SPATA33: variants seen among roughly 807,000 people sequenced by gnomAD.
SPATA33 encodes the protein spermatogenesis associated 33, also known as spermatogenesis-associated protein 33.
In SPATA33, 10 loss-of-function variants were observed where a neutral mutation model predicts 8.9. The ratio of observed to expected loss-of-function variants is 1.12; its 90% confidence interval spans 0.69 to 1.90. The LOEUF (loss-of-function observed/expected upper bound fraction) is 1.90, where lower values mean the gene tolerates loss of function less well. Among genes scored for constraint, SPATA33 ranks in the 40% most tolerant of loss-of-function variants. The pLI is 0.00. For synonymous variants in SPATA33, 96 were observed against 72.8 expected (o/e 1.32, Z -1.63); for missense variants, 241 against 178.3 (o/e 1.35, Z -2.00).
At chr16:89,657,982 C>T (rs1056220910) in intron 1 of SPATA33, 34 bp downstream of exon 1, 112 of 1,504,088 alleles carry the variant, frequency 7.4e-5, no homozygotes, top group Middle Eastern at 2.2e-4. Context: ...CTCCCCGCGT[C>T]TCCGCCCCTG....
intron 2 of SPATA33, chr16:89,660,440 G>C (rs2059951803): frequency 4.1e-6 from 5 of 1,230,772 alleles, no homozygotes. Flanking sequence ...TGTCACACCA[G>C]AGGGTGGGGG....
intron 2 of SPATA33, among the ~76,000 whole-genome samples, chr16:89,664,807 C>G (rs1885908355): frequency 6.6e-6 from 1 of 152,214 alleles, no homozygotes. Context: ...TCCTCCAGCT[C>G]CTCATGAGAA....
chr16:89,665,830 C>A (rs258317), intron 2 of SPATA33, among the ~76,000 whole-genome samples: 1 of 151,824 alleles, frequency 6.6e-6, no homozygotes, highest in Non-Finnish European at 1.5e-5. Flanking sequence ...CCTGTAATCC[C>A]GGCACTTTGG....
chr16:89,658,884 G>A (rs560425646), intron 2 of SPATA33: 35 of 171,356 alleles, frequency 2.0e-4, no homozygotes, highest in Non-Finnish European at 4.0e-4. Flanking sequence ...TTTTATAACA[G>A]CCTAGTGTGG....
At chr16:89,663,061 G>A (rs543326913) in intron 2 of SPATA33, among the ~76,000 whole-genome samples, 1 of 151,968 alleles carries the variant, frequency 6.6e-6, no homozygotes, top group East Asian at 1.9e-4. Context: ...CAAAGTGCCA[G>A]TGTTACAGGT....
chr16:89,663,039 G>T (rs545366512), intron 2 of SPATA33, among the ~76,000 whole-genome samples: 1 of 150,666 alleles, frequency 6.6e-6, no homozygotes, highest in Non-Finnish European at 1.5e-5. Flanking sequence ...TGAACCACCC[G>T]CCTCAGCCTC....
chr16:89,665,565 C>T (rs939289266), intron 2 of SPATA33, among the ~76,000 whole-genome samples: 9 of 151,690 alleles, frequency 5.9e-5, no homozygotes, highest in Admixed American at 2.0e-4. Flanking sequence ...CCGCCCGCAT[C>T]GGCCTCCCAA....
In SPATA33 at chr16:89,665,429, C is replaced by T. The variant is rs112899556; in HGVS notation, c.212-3857C>T. On this transcript the variant is annotated intron_variant, in intron 2 of 2. Transcript: ENST00000579310. The stretch of plus-strand genomic sequence containing the variant: ...ATGCCATTCTCCTGTCTCAGCCTCC[C>T]GCATAGCTGGGACTACAGGTGCCTG... 8.4e-3 allele frequency among the ~76,000 whole-genome samples: 1,274 copies of T among 152,116 alleles called. 10 individuals carry two copies. The highest frequency in any genetic ancestry group is 0.029 in the African/African-American group (1,218 of 41,498).
chr16:89,660,611 G>A lies in SPATA33; in HGVS notation c.211+2190G>A, dbSNP rs901352836. On this transcript the variant is annotated intron_variant, in intron 2 of 2. Coordinates refer to ENST00000579310, the MANE Select transcript of SPATA33 (RefSeq NM_001271907.2). ...ACACCGTGAAGGAGTCCCAAAGGTG[G>A]GACACTGAGTGAGACAAGCCAGAGG... 18 of 1,172,200 alleles carry A rather than the reference G, an allele frequency of 1.5e-5. No individual in the cohort carries two copies. The South Asian group carries it at 4.3e-4, about 28-fold the overall frequency. The allele number at this position is 1,172,200 out of a possible 1,614,324, so 72.6% of individuals were successfully genotyped here.
At chr16:89,666,792 CAG>C (rs1360384779) in intron 2 of SPATA33, among the ~76,000 whole-genome samples, 2 of 152,182 alleles carry the variant, frequency 1.3e-5, no homozygotes, top group Non-Finnish European at 2.9e-5. Flanking sequence ...GTCCACTGGA[CAG>C]GGGGCCCTTC....
intron 2 of SPATA33, chr16:89,659,218 G>C (rs945667683): frequency 1.2e-4 from 18 of 152,350 alleles, no homozygotes; most frequent in African/African-American, 4.3e-4. Context: ...GTTCGCAGGG[G>C]AGGTGGCCCG....
chr16:89,664,138 AC>A (rs1490944594), intron 2 of SPATA33, among the ~76,000 whole-genome samples: 1 of 152,220 alleles, frequency 6.6e-6, no homozygotes, highest in East Asian at 1.9e-4. Flanking sequence ...GCAAGGAAAG[AC>A]AGTACACATA....
At position 89,658,404 on chromosome 16, in the gene SPATA33, C is replaced by A. The variant is rs757264112; in HGVS notation, c.194C>A (p.Pro65Gln). The A allele has an allele frequency of 6.2e-7, 1 of 1,609,822 alleles. No individual in the cohort carries two copies. Among genetic ancestry groups the A allele is most frequent in the African/African-American group, 1.3e-5 (1 of 74,866 alleles). The change falls in exon 2 of 3, where the codon CCG becomes CAG. Residue 65 changes from proline (P) to glutamine (Q), a missense_variant. Coordinates refer to ENST00000579310, the MANE Select transcript of SPATA33 (RefSeq NM_001271907.2). ...GCCGGGACAGCCAAGCACCCGCCGC[C>A]GGCAGCTTCGCTGGAAGGTAGGAGA... ...PGAGTAKHPP[P>Q]AASLEEKPDV...
intron 2 of SPATA33, among the ~76,000 whole-genome samples, chr16:89,664,370 T>C (rs1597805491): frequency 6.6e-6 from 1 of 152,116 alleles, no homozygotes; most frequent in Non-Finnish European, 1.5e-5. Context: ...GCCCACACGA[T>C]CCCTGCCCCT....
chr16:89,657,961 C>T lies in SPATA33; in HGVS notation c.37+13C>T, dbSNP rs1452577916. On this transcript the variant is annotated intron_variant, in intron 1 of 2. Transcript: ENST00000579310. ...AAACCCAGGAAAGGTAAAGGAGGCG[C>T]AGGCGCTGGGCTCCCCGCGTCTCCG... 1 of 1,512,028 alleles carries T rather than the reference C, an allele frequency of 6.6e-7. No homozygotes were observed. The highest frequency in any genetic ancestry group is 1.2e-5 in the South Asian group (1 of 81,540). 93.7% of individuals were successfully genotyped at this position (1,512,028 alleles called of 1,614,324 possible).
In SPATA33 at chr16:89,657,860, C is replaced by G; in HGVS notation, c.-52C>G. On this transcript the variant is annotated 5_prime_UTR_variant, in exon 1 of 3. Coordinates refer to ENST00000579310, the MANE Select transcript of SPATA33 (RefSeq NM_001271907.2). ...TGTGAGTCGCTCCCGGCTCCGCGGC[C>G]GCGGAGGTGTGGGGACCCGGGCTTG... 6.6e-7 allele frequency: 1 copy of G among 1,509,254 alleles called. No homozygotes were observed. The allele number at this position is 1,509,254 out of a possible 1,614,324, so 93.5% of individuals were successfully genotyped here.
At position 89,668,598 on chromosome 16, in the gene SPATA33, C is replaced by T. The variant is rs998395112; in HGVS notation, c.212-688C>T. ...GGGGGCGGGCGGCTGTGCCCGAGCTCGTAGCAGTGGCACTCCAGGAAGGGG... is the reference window on the plus strand; with the variant it reads ...GGGGGCGGGCGGCTGTGCCCGAGCTTGTAGCAGTGGCACTCCAGGAAGGGG... On this transcript the variant is annotated intron_variant, in intron 2 of 2. Coordinates refer to ENST00000579310, the MANE Select transcript of SPATA33 (RefSeq NM_001271907.2). 3.3e-5 allele frequency among the ~76,000 whole-genome samples: 5 copies of T among 150,600 alleles called. No homozygotes were observed. The South Asian group carries it at 8.4e-4, about 25-fold the overall frequency.
intron 2 of SPATA33, 113 bp from the exon 3 acceptor site, chr16:89,669,173 T>C: frequency 1.0e-6 from 1 of 983,522 alleles, no homozygotes; most frequent in Non-Finnish European, 1.6e-6. Context: ...CACCCATTTT[T>C]TCTGCTAACC....
intron 2 of SPATA33, 72 bp downstream of exon 2, chr16:89,658,493 C>G: frequency 6.6e-7 from 1 of 1,517,530 alleles, no homozygotes; most frequent in Non-Finnish European, 8.8e-7. Context: ...GAGGAGCCTA[C>G]TGTAAGACCC....
Sources: gnomAD v4.1 joint callset for allele counts (sites outside exome capture counted in the v4.1 genomes callset) on GRCh38, gnomAD v4.1.1 for gene constraint, MANE v1.5 for transcripts, NCBI Gene and HGNC (gene_info 2026-07-23, HGNC 2026-07-21) for gene names.